RHOBTB1: variants seen among roughly 807,000 people sequenced by gnomAD.
RHOBTB1 encodes Rho related BTB domain containing 1.
Under a neutral mutation model 71.6 loss-of-function variants are expected in RHOBTB1, and 40 were observed. The ratio of observed to expected loss-of-function variants is 0.56; its 90% CI spans 0.43 to 0.73. RHOBTB1 has a LOEUF of 0.73. Among genes scored for constraint, RHOBTB1 ranks in the 30% least tolerant of loss-of-function variants. RHOBTB1 has a pLI of 0.00. For missense variants in RHOBTB1, 797 were observed against 894.0 expected, an observed-to-expected ratio of 0.89 and a Z score of 1.38; for synonymous variants, 319 against 334.9, an observed-to-expected ratio of 0.95 and a Z score of 0.52.
chr10:60,924,448 G>T (rs946078987), intron 2 of RHOBTB1, among the ~76,000 whole-genome samples: 4 of 152,084 alleles, frequency 2.6e-5, no homozygotes, highest in Admixed American at 2.0e-4. Flanking sequence ...GGTCAATTAA[G>T]CAAGAGGATA....
At chr10:60,971,684 AT>A (rs1388299360) in intron 2 of RHOBTB1, among the ~76,000 whole-genome samples, 1 of 152,222 alleles carries the variant, frequency 6.6e-6, no homozygotes, top group Non-Finnish European at 1.5e-5. Flanking sequence ...CAAAAGCCAA[AT>A]TGACAAAAGG....
intron 1 of RHOBTB1, among the ~76,000 whole-genome samples, chr10:60,989,656 C>T (rs1468767867): frequency 6.6e-6 from 1 of 152,306 alleles, no homozygotes. Context: ...GAGACAGTGA[C>T]GTCCACTTTG....
chr10:60,903,869 C>T lies in RHOBTB1; in HGVS notation c.296+7018G>A, dbSNP rs117349240. ...TGATTTACGTTTTCAACGAGACTAA[C>T]TTAAAGTTCCATAAATAATTAAAAC... On this transcript the variant is annotated intron_variant, in intron 4 of 10. Coordinates refer to ENST00000337910, the MANE Select transcript of RHOBTB1 (RefSeq NM_014836.5). Among the ~76,000 whole-genome samples the T allele has an allele frequency of 1.8e-4, 28 of 152,308 alleles. No homozygotes were observed. In the East Asian group the frequency reaches 5.2e-3, roughly 28 times the overall value.
chr10:60,965,652 A>G (rs1273869980), intron 2 of RHOBTB1, among the ~76,000 whole-genome samples: 1 of 152,080 alleles, frequency 6.6e-6, no homozygotes, highest in Non-Finnish European at 1.5e-5. Flanking sequence ...TAATAACTGA[A>G]TGAATGAATG....
intron 2 of RHOBTB1, among the ~76,000 whole-genome samples, chr10:60,971,182 T>C (rs929877400): frequency 6.6e-6 from 1 of 152,060 alleles, no homozygotes; most frequent in Non-Finnish European, 1.5e-5. Flanking sequence ...GTAGAAATTA[T>C]TTATAAAATT....
chr10:60,958,428 C>A (rs958788164), intron 2 of RHOBTB1, among the ~76,000 whole-genome samples: 1 of 152,018 alleles, frequency 6.6e-6, no homozygotes, highest in Non-Finnish European at 1.5e-5. Context: ...TAAAATTTTA[C>A]TTTTTTATTT....
At chr10:60,950,328 T>A (rs1220719151) in intron 2 of RHOBTB1, among the ~76,000 whole-genome samples, 1 of 152,234 alleles carries the variant, frequency 6.6e-6, no homozygotes, top group Non-Finnish European at 1.5e-5. Context: ...ATGAACTACA[T>A]TCTTAATATT....
chr10:60,895,063 G>T (rs750103394), intron 4 of RHOBTB1, among the ~76,000 whole-genome samples: 1 of 152,188 alleles, frequency 6.6e-6, no homozygotes, highest in Non-Finnish European at 1.5e-5. Context: ...GGAAAAAAAG[G>T]AATCTTGTGA....
rs1382788842 is a variant in RHOBTB1 at position 60,904,219 on chromosome 10, T to C, written c.296+6668A>G. ...GCCTCAGCCTCCCAGAGTGCTGGGA[T>C]TATAGGCATGAGCCATTGCACCTGG... On this transcript the variant is annotated intron_variant, in intron 4 of 10. Transcript: ENST00000337910. 2.6e-5 allele frequency among the ~76,000 whole-genome samples: 4 copies of C among 152,338 alleles called. No homozygotes were observed. The East Asian group carries it at 5.8e-4, about 22-fold the overall frequency.
intron 5 of RHOBTB1, among the ~76,000 whole-genome samples, chr10:60,890,764 T>C (rs886369916): frequency 6.6e-6 from 1 of 152,216 alleles, no homozygotes; most frequent in African/African-American, 2.4e-5. Context: ...GGGAAAATTA[T>C]AGGGTGTTGA....
intron 4 of RHOBTB1, 31 bp downstream of exon 4, chr10:60,910,856 G>C (rs1230226700): frequency 6.5e-7 from 1 of 1,528,500 alleles, no homozygotes; most frequent in Non-Finnish European, 9.1e-7. Context: ...TTGCATTCAA[G>C]CTCAACCACG....
At chr10:60,955,371 A>C (rs2116452) in intron 2 of RHOBTB1, among the ~76,000 whole-genome samples, 77,125 of 151,960 alleles carry the variant, frequency 0.51, 19,933 homozygotes, top group East Asian at 0.77. Context: ...TGGTTTTAAA[A>C]TGCCACAATT....
At chr10:60,899,273 G>A (rs1256530780) in intron 4 of RHOBTB1, among the ~76,000 whole-genome samples, 1 of 152,202 alleles carries the variant, frequency 6.6e-6, no homozygotes. Context: ...AGGCACTGAA[G>A]TAAAGAAGGC....
intron 8 of RHOBTB1, among the ~76,000 whole-genome samples, chr10:60,876,257 C>T (rs914565674): frequency 6.6e-6 from 1 of 152,032 alleles, no homozygotes; most frequent in Non-Finnish European, 1.5e-5. Context: ...CTAGACAGTA[C>T]AAAGCAAATA....
chr10:60,920,636 T>A (rs1478965364), intron 2 of RHOBTB1, among the ~76,000 whole-genome samples: 1 of 150,410 alleles, frequency 6.6e-6, no homozygotes, highest in Admixed American at 6.6e-5. Context: ...TTTTTTTTTT[T>A]AAGTTTTGTT....
intron 2 of RHOBTB1, among the ~76,000 whole-genome samples, chr10:60,951,960 A>C (rs570379921): frequency 6.6e-6 from 1 of 152,224 alleles, no homozygotes; most frequent in African/African-American, 2.4e-5. Context: ...CAGGAGGCTG[A>C]GGCAGGAGAA....
intron 2 of RHOBTB1, among the ~76,000 whole-genome samples, chr10:60,913,257 G>T (rs1312654882): frequency 2.0e-5 from 3 of 152,148 alleles, no homozygotes; most frequent in African/African-American, 4.8e-5. Context: ...GCTGGAGAAC[G>T]ATTTGGCAGG....
At chr10:60,873,807 G>C (rs1054832333) in intron 9 of RHOBTB1, among the ~76,000 whole-genome samples, 3 of 152,252 alleles carry the variant, frequency 2.0e-5, no homozygotes, top group Admixed American at 2.0e-4. Context: ...ATTTGTGTTT[G>C]TGTCTGTTTC....
intron 2 of RHOBTB1, among the ~76,000 whole-genome samples, chr10:60,932,513 TAAAAA>T (rs3049595): frequency 9.3e-6 from 1 of 107,952 alleles, no homozygotes; most frequent in Admixed American, 1.0e-4. Flanking sequence ...TTTCTTAAAG[TAAAAA>T]AAAAAAAAAA....
Sources: allele counts gnomAD v4.1 joint callset (sites outside exome capture counted in the v4.1 genomes callset), GRCh38; gene constraint gnomAD v4.1.1; transcripts MANE v1.5; gene names NCBI Gene and HGNC (gene_info 2026-07-23, HGNC 2026-07-21).